PCYT1A: variants seen among roughly 807,000 people sequenced by gnomAD.
The protein encoded by PCYT1A is phosphate cytidylyltransferase 1A, choline, also known as choline-phosphate cytidylyltransferase A.
PCYT1A carries 25 observed loss-of-function variants against 43.7 expected under a neutral mutation model. The observed-to-expected ratio is 0.57, with a 90% confidence interval of 0.42 to 0.80. PCYT1A has a LOEUF of 0.80. Ranked by LOEUF, PCYT1A falls within the 30% of genes least tolerant of loss-of-function variation. The probability of loss-of-function intolerance (pLI) is 0.00; values close to 1 mark genes in which losing one functional copy is unlikely to be tolerated. For missense variants in PCYT1A, 421 were observed against 474.2 expected (o/e 0.89, Z 1.04); for synonymous variants, 172 against 170.7 (o/e 1.01, Z -0.06).
intron 1 of PCYT1A, among the ~76,000 whole-genome samples, chr3:196,279,754 G>A (rs1241265941): frequency 6.6e-6 from 1 of 151,810 alleles, no homozygotes; most frequent in East Asian, 1.9e-4. Flanking sequence ...CTAGGTGCTG[G>A]CATGTCTATG....
intron 1 of PCYT1A, among the ~76,000 whole-genome samples, chr3:196,279,856 C>CA (rs1393078279): frequency 3.1e-5 from 3 of 97,834 alleles, no homozygotes; most frequent in Non-Finnish European, 5.6e-5. Context: ...TTTTTTGAGA[C>CA]AGAGTTTCAC....
chr3:196,253,936 T>G (rs1036037601), intron 3 of PCYT1A, among the ~76,000 whole-genome samples: 5 of 149,698 alleles, frequency 3.3e-5, no homozygotes, highest in African/African-American at 1.2e-4. Context: ...TTTTCCTGTT[T>G]CTATTATATA....
chr3:196,280,465 A>G (rs1413960136), intron 1 of PCYT1A, among the ~76,000 whole-genome samples: 3 of 151,968 alleles, frequency 2.0e-5, no homozygotes, highest in African/African-American at 7.2e-5. Context: ...TCTTCTCTAC[A>G]TTACTTACAA....
At position 196,277,641 on chromosome 3, in the gene PCYT1A, T is replaced by C. The variant is rs1725628288; in HGVS notation, c.-10-7100A>G. On this transcript the variant is annotated intron_variant, in intron 1 of 8. Coordinates refer to ENST00000431016, the MANE Select transcript of PCYT1A (RefSeq NM_001312673.2). The surrounding 1 kb of genome is among the most constrained non-coding windows in gnomAD (Gnocchi z 4.1). ...ATCCCAGCACTTTGGGAGACCAAGG[T>C]GGGTGGATCACATGAGGTCAGGAGT... Among the ~76,000 whole-genome samples the C allele has an allele frequency of 6.6e-6, 1 of 152,108 alleles. No homozygotes were observed. The highest frequency in any genetic ancestry group is 6.5e-5 in the Admixed American group (1 of 15,272).
intron 1 of PCYT1A, among the ~76,000 whole-genome samples, chr3:196,272,633 C>G (rs572285076): frequency 2.4e-4 from 37 of 152,258 alleles, no homozygotes; most frequent in Non-Finnish European, 3.5e-4. Flanking sequence ...CCCTTCTTTT[C>G]TCAGTACTCA....
At position 196,247,477 on chromosome 3, in the gene PCYT1A, C is replaced by A; in HGVS notation, c.376G>T (p.Val126Leu). The A allele has an allele frequency of 1.9e-6, 3 of 1,614,186 alleles. No homozygotes were observed. The highest frequency in any genetic ancestry group is 2.5e-6 in the Non-Finnish European group (3 of 1,180,004). ...TCATAGCGCTCATTCTCGTTCATCA[C>A]CGTGAAGCCTTTGAAGTTGTGTGTG... ...ELTHNFKGFT[V>L]MNENERYDAV... Residue 126 changes from valine to leucine, a missense_variant, in exon 5 of 9, where the codon GTG becomes TTG. By Grantham distance (32) the Val-to-Leu change is conservative (BLOSUM62 1). Coordinates refer to ENST00000431016, the MANE Select transcript of PCYT1A (RefSeq NM_001312673.2). This position sits in a 1 kb window ranked among gnomAD's most constrained non-coding sequence, Gnocchi z 4.8.
chr3:196,238,519 T>C lies in PCYT1A; in HGVS notation c.*169A>G. The C allele has an allele frequency of 2.1e-6, 1 of 472,398 alleles. No homozygotes were observed. The highest frequency in any genetic ancestry group is 2.0e-5 in the African/African-American group (1 of 49,796). The allele number at this position is 472,398 out of a possible 1,614,324, so 29.3% of individuals were successfully genotyped here. On this transcript the variant is annotated 3_prime_UTR_variant, in exon 9 of 9. Coordinates refer to ENST00000431016, the MANE Select transcript of PCYT1A (RefSeq NM_001312673.2). ...CCTTCGTGTGGGTGAGTGATGTCACTTGCAGGACAGGCTGTTTGGGTTCCC... is the reference window on the plus strand; with the variant it reads ...CCTTCGTGTGGGTGAGTGATGTCACCTGCAGGACAGGCTGTTTGGGTTCCC...
chr3:196,250,177 T>A (rs544153687), intron 3 of PCYT1A, among the ~76,000 whole-genome samples: 52 of 138,494 alleles, frequency 3.8e-4, no homozygotes, highest in African/African-American at 1.3e-3. Context: ...ATGCCGAGGC[T>A]GAGGACCAGG....
intron 3 of PCYT1A, among the ~76,000 whole-genome samples, chr3:196,255,088 C>A (rs996160898): frequency 6.6e-6 from 1 of 152,166 alleles, no homozygotes; most frequent in African/African-American, 2.4e-5. Flanking sequence ...TTCACTAGAG[C>A]AGGTGCATTC....
At chr3:196,275,771 T>C (rs1242021548) in intron 1 of PCYT1A, among the ~76,000 whole-genome samples, 1 of 150,086 alleles carries the variant, frequency 6.7e-6, no homozygotes, top group African/African-American at 2.5e-5. Flanking sequence ...AAATAAGCTT[T>C]AGTGATCTAT....
chr3:196,242,058 T>C lies in PCYT1A; in HGVS notation c.598A>G (p.Ile200Val). ...MFAPTQRTEG[I>V]STSDIITRIV... ...CGGGTGATGATGTCTGATGTGGAGA[T>C]ACCTTCTGTCCTCTGTGTTGGAGCA... The change falls in exon 7 of 9, where the codon ATC (isoleucine) becomes GTC (valine). Residue 200 changes from isoleucine to valine, a missense_variant. By Grantham distance (29) the Ile-to-Val change is conservative (BLOSUM62 3). Around this residue, in one of 3 missense-constraint regions of PCYT1A, gnomAD observed 174 missense variants for 270.7 expected, o/e 0.64. Coordinates refer to ENST00000431016, the MANE Select transcript of PCYT1A (RefSeq NM_001312673.2). The surrounding 1 kb of genome is among the most constrained non-coding windows in gnomAD (Gnocchi z 4.2). 6.2e-7 allele frequency: 1 copy of C among 1,614,140 alleles called. No homozygotes were observed. Among genetic ancestry groups the C allele is most frequent in the Non-Finnish European group, 8.5e-7 (1 of 1,180,024 alleles).
intron 2 of PCYT1A, among the ~76,000 whole-genome samples, chr3:196,262,557 T>C (rs1292140888): frequency 6.6e-6 from 1 of 152,184 alleles, no homozygotes; most frequent in Non-Finnish European, 1.5e-5. Flanking sequence ...CTAAAAGTTA[T>C]AATGGAAATC....
At position 196,236,620 on chromosome 3, in the gene PCYT1A, GTTTT is replaced by G. The variant is rs1043857191; in HGVS notation, c.*2064_*2067del. ...GCTCTTTCTGGGTGATCCAAGTTTT[GTTTT>G]TTTTCTAGTTGATTATTTCTCTTTA... On this transcript the variant is annotated 3_prime_UTR_variant, in exon 9 of 9. Transcript: ENST00000431016. 6.6e-6 allele frequency: 1 copy of G among 151,642 alleles called. No homozygotes were observed. The highest frequency in any genetic ancestry group is 1.5e-5 in the Non-Finnish European group (1 of 67,906). 9.4% of individuals were successfully genotyped at this position (151,642 alleles called of 1,614,324 possible). A position where few individuals can be genotyped will look rare whatever the true frequency, so the allele number is the denominator to read the frequency against.
chr3:196,248,094 C>A, intron 4 of PCYT1A, 113 bp downstream of exon 4: 2 of 716,536 alleles, frequency 2.8e-6, no homozygotes, highest in South Asian at 1.6e-5. Context: ...AGAGGCTGTA[C>A]TACATCCTTC....
intron 7 of PCYT1A, among the ~76,000 whole-genome samples, chr3:196,240,450 C>T (rs1033367500): frequency 7.9e-5 from 12 of 152,014 alleles, no homozygotes; most frequent in African/African-American, 2.7e-4. Context: ...TTTGGGAAGC[C>T]GAAGTGGGAG....
chr3:196,241,518 T>C (rs1327385681), intron 7 of PCYT1A: 1 of 1,290,324 alleles, frequency 7.7e-7, no homozygotes, highest in East Asian at 5.5e-5. Context: ...TAAGCTAAGA[T>C]AAACTTAACT....
Position 196,247,299 on chromosome 3 carries a change from G to A in PCYT1A, c.486+68C>T, listed in dbSNP as rs146710058. The A allele has an allele frequency of 0.017, 25,947 of 1,540,656 alleles. 295 individuals are homozygous for A. The highest frequency in any genetic ancestry group is 0.019 in the Non-Finnish European group (21,196 of 1,120,780). ...CACGGCTAGTGGAAAACCAGCCTAC[G>A]TGCCAGCAGCTTTGAGAGTTGAGGG... On this transcript the variant is annotated intron_variant, in intron 5 of 8. Transcript: ENST00000431016. The surrounding 1 kb of genome is among the most constrained non-coding windows in gnomAD (Gnocchi z 4.8).
At chr3:196,251,991 C>A (rs948329936) in intron 3 of PCYT1A, among the ~76,000 whole-genome samples, 1 of 152,166 alleles carries the variant, frequency 6.6e-6, no homozygotes, top group African/African-American at 2.4e-5. Context: ...ATCACTGAAA[C>A]CTCCACCTCC....
At chr3:196,243,508 C>T (rs1577355077) in intron 5 of PCYT1A, among the ~76,000 whole-genome samples, 1 of 151,674 alleles carries the variant, frequency 6.6e-6, no homozygotes, top group Admixed American at 6.6e-5. Flanking sequence ...CTCCCCTCTC[C>T]CTTCTCCCCT....
Sources: allele counts gnomAD v4.1 joint callset (sites outside exome capture counted in the v4.1 genomes callset), GRCh38; gene constraint gnomAD v4.1.1; regional missense constraint gnomAD v4.1.1; non-coding constraint Gnocchi (gnomAD v3.1); transcripts MANE v1.5; gene names NCBI Gene and HGNC (gene_info 2026-07-23, HGNC 2026-07-21).